Variants in FNDC3A observed in about 807,000 individuals in gnomAD.
FNDC3A encodes the protein fibronectin type III domain containing 3A.
A neutral mutation model predicts 148.9 loss-of-function variants in FNDC3A; 32 were observed. That is an observed-to-expected ratio of 0.21 (90% confidence interval 0.16 to 0.29). The LOEUF (loss-of-function observed/expected upper bound fraction) is 0.29. Among genes scored for constraint, FNDC3A ranks in the 10% least tolerant of loss-of-function variants. The pLI, the probability that FNDC3A is intolerant of heterozygous loss-of-function variation, is 1.00. For synonymous variants in FNDC3A, 472 were observed against 473.6 expected (o/e 1.00, Z 0.04); for missense variants, 1,191 against 1,452.8 (o/e 0.82, Z 2.93).
At chr13:48,988,817 C>A (rs1194899290) in intron 1 of FNDC3A, among the ~76,000 whole-genome samples, 1 of 150,716 alleles carries the variant, frequency 6.6e-6, no homozygotes, top group African/African-American at 2.4e-5. Context: ...TGCACTCCAG[C>A]CTGGGTGAGA....
intron 25 of FNDC3A, among the ~76,000 whole-genome samples, chr13:49,204,684 T>C (rs769287893): frequency 6.6e-6 from 1 of 152,224 alleles, no homozygotes; most frequent in Non-Finnish European, 1.5e-5. Context: ...TTGAGTAGTA[T>C]ATGAATAACC....
In FNDC3A at chr13:49,131,387, A is replaced by T; in HGVS notation, c.490+13A>T. ...TATGGAGATGTAGGTAAGACATCTA[A>T]AAGTATTCCACTGTTATTGAGTTGG... On this transcript the variant is annotated intron_variant, in intron 5 of 25. Coordinates refer to ENST00000492622, the MANE Select transcript of FNDC3A (RefSeq NM_001079673.2). The T allele has an allele frequency of 6.6e-7, 1 of 1,515,176 alleles. No individual in the cohort carries two copies. The highest frequency in any genetic ancestry group is 9.2e-7 in the Non-Finnish European group (1 of 1,089,554). 93.9% of individuals were successfully genotyped at this position (1,515,176 alleles called of 1,614,324 possible).
chr13:49,101,237 G>C (rs535535408), intron 3 of FNDC3A, among the ~76,000 whole-genome samples: 1 of 152,210 alleles, frequency 6.6e-6, no homozygotes, highest in African/African-American at 2.4e-5. Flanking sequence ...GGAGCACCTG[G>C]TTAGTTGCAG....
intron 8 of FNDC3A, among the ~76,000 whole-genome samples, chr13:49,160,585 A>AT (rs1297886316): frequency 6.6e-6 from 1 of 151,594 alleles, no homozygotes; most frequent in African/African-American, 2.4e-5. Flanking sequence ...GGATTCATTA[A>AT]TTTTTTGAAG....
Position 49,075,180 on chromosome 13 carries a change from C to T in FNDC3A, c.100-109C>T, listed in dbSNP as rs1006382440. 1.1e-5 allele frequency: 6 copies of T among 560,902 alleles called. No individual in the cohort carries two copies. The Admixed American group carries it at 1.5e-4, about 14-fold the overall frequency. 34.7% of individuals were successfully genotyped at this position (560,902 alleles called of 1,614,324 possible). ...ATCTTAAATGTGTAATCCCCATTTT[C>T]CTTCCCAGTTTCATAAGGTTAAATA... On this transcript the variant is annotated intron_variant, in intron 2 of 25. Transcript: ENST00000492622.
chr13:49,139,943 G>T (rs976141192), intron 7 of FNDC3A, among the ~76,000 whole-genome samples: 4 of 152,164 alleles, frequency 2.6e-5, no homozygotes, highest in Non-Finnish European at 5.9e-5. Context: ...ATATCACTAG[G>T]TTTACTAGAA....
In FNDC3A at chr13:49,089,978, C is replaced by A. The variant is rs533479004; in HGVS notation, c.175+14614C>A. Among the ~76,000 whole-genome samples the A allele has an allele frequency of 2.1e-3, 318 of 152,210 alleles. 1 individual carries two copies. The highest frequency in any genetic ancestry group is 0.018 in the South Asian group (86 of 4,816). On this transcript the variant is annotated intron_variant, in intron 3 of 25. Coordinates refer to ENST00000492622, the MANE Select transcript of FNDC3A (RefSeq NM_001079673.2). The stretch of plus-strand genomic sequence containing the variant: ...CTGCTCCATAGGTTATACAAGTGGC[C>A]TAGGTTACTTTTGCCTTGGCCTGCC...
intron 2 of FNDC3A, among the ~76,000 whole-genome samples, chr13:49,035,741 A>G (rs929578921): frequency 1.3e-5 from 2 of 152,036 alleles, no homozygotes; most frequent in Non-Finnish European, 2.9e-5. Context: ...TGCCTAACAT[A>G]TAGTAGTTAC....
At chr13:49,159,146 A>G (rs927522053) in intron 8 of FNDC3A, among the ~76,000 whole-genome samples, 12 of 152,176 alleles carry the variant, frequency 7.9e-5, no homozygotes, top group African/African-American at 2.9e-4. Context: ...GTTTTTTCCA[A>G]TTCTGTGAAG....
intron 3 of FNDC3A, among the ~76,000 whole-genome samples, chr13:49,098,769 A>G (rs1490795348): frequency 6.6e-6 from 1 of 152,164 alleles, no homozygotes; most frequent in African/African-American, 2.4e-5. Flanking sequence ...AGATAATGAA[A>G]TTATCCACAA....
chr13:49,165,198 A>C (rs1884385690), intron 8 of FNDC3A, among the ~76,000 whole-genome samples: 1 of 151,960 alleles, frequency 6.6e-6, no homozygotes, highest in South Asian at 2.1e-4. Context: ...CTGTTGCTGG[A>C]GGATTATTGT....
Position 49,076,894 on chromosome 13 carries a change from G to A in FNDC3A, c.175+1530G>A, listed in dbSNP as rs184765339. Among the ~76,000 whole-genome samples the A allele has an allele frequency of 1.3e-3, 190 of 151,970 alleles. 1 individual carries two copies. The highest frequency in any genetic ancestry group is 4.5e-3 in the Admixed American group (68 of 15,264). On this transcript the variant is annotated intron_variant, in intron 3 of 25. Transcript: ENST00000492622. ...CCCAGCTAAAGTCTAAGCACTTTGG[G>A]GACACATACCATTTCTTACATTTCT...
intron 17 of FNDC3A, among the ~76,000 whole-genome samples, chr13:49,189,322 A>G (rs1787018157): frequency 6.6e-6 from 1 of 152,008 alleles, no homozygotes; most frequent in South Asian, 2.1e-4. Flanking sequence ...AGCTGGGACT[A>G]CAGGCGCCCC....
chr13:49,041,014 T>C (rs1874884047), intron 2 of FNDC3A, among the ~76,000 whole-genome samples: 1 of 152,232 alleles, frequency 6.6e-6, no homozygotes, highest in African/African-American at 2.4e-5. Context: ...AAAATTCCAC[T>C]GCATTTGTGG....
chr13:49,169,621 C>T lies in FNDC3A; in HGVS notation c.1176+870C>T, dbSNP rs917775909. Among the ~76,000 whole-genome samples the T allele has an allele frequency of 4.8e-4, 73 of 152,136 alleles. 1 individual carries two copies. Among genetic ancestry groups the T allele is most frequent in the Non-Finnish European group, 6.3e-4 (43 of 68,030 alleles). On this transcript the variant is annotated intron_variant, in intron 10 of 25. Transcript: ENST00000492622. ...CAAAACATCCCCTAGAATGGGGTAC[C>T]ACTCCTGTTAGCATTGGTTTGCAGT...
chr13:49,170,138 G>C (rs1367259239), intron 10 of FNDC3A, among the ~76,000 whole-genome samples: 1 of 152,094 alleles, frequency 6.6e-6, no homozygotes, highest in African/African-American at 2.4e-5. Flanking sequence ...TCCCAGGCTT[G>C]AACCCTTCTA....
intron 3 of FNDC3A, among the ~76,000 whole-genome samples, chr13:49,077,360 C>T (rs1878184777): frequency 6.6e-6 from 1 of 152,320 alleles, no homozygotes; most frequent in African/African-American, 2.4e-5. Flanking sequence ...TGAAAGAACT[C>T]TAACACTTAC....
rs569386117 is a variant in FNDC3A at position 49,044,702 on chromosome 13, A to G, written c.100-30587A>G. On this transcript the variant is annotated intron_variant, in intron 2 of 25. Transcript: ENST00000492622. ...AAAAAGAAAGAAAAATCTGAGCTTG[A>G]TTTCTCATTTGAATGGTTAACAGAA... 436 of 257,004 alleles carry G rather than the reference A, an allele frequency of 1.7e-3. 2 individuals carry two copies. Among genetic ancestry groups the G allele is most frequent in the African/African-American group, 9.7e-3 (415 of 42,878 alleles). The allele number at this position is 257,004 out of a possible 1,614,324, so 15.9% of individuals were successfully genotyped here.
At chr13:48,989,311 T>C (rs1951866098) in intron 1 of FNDC3A, among the ~76,000 whole-genome samples, 1 of 152,190 alleles carries the variant, frequency 6.6e-6, no homozygotes, top group Non-Finnish European at 1.5e-5. Flanking sequence ...TTACATGCAG[T>C]TCAAATTACT....
Sources: gnomAD v4.1 joint callset for allele counts (sites outside exome capture counted in the v4.1 genomes callset) on GRCh38, gnomAD v4.1.1 for gene constraint, MANE v1.5 for transcripts, NCBI Gene and HGNC (gene_info 2026-07-23, HGNC 2026-07-21) for gene names.